KCNAB1: variants seen among roughly 807,000 people sequenced by gnomAD.
KCNAB1 encodes voltage-gated potassium channel subunit beta-1.
Under a neutral mutation model 64.6 loss-of-function variants are expected in KCNAB1, and 35 were observed. The observed-to-expected ratio is 0.54, with a 90% CI of 0.41 to 0.72. The LOEUF (loss-of-function observed/expected upper bound fraction) is 0.72, where lower values mean the gene tolerates loss of function less well. KCNAB1 is among the 30% of genes least tolerant of loss of function. The pLI is 0.00. For missense variants in KCNAB1, 401 were observed against 512.9 expected (o/e 0.78, Z 2.11); for synonymous variants, 177 against 183.8 (o/e 0.96, Z 0.30).
chr3:156,186,995 G>T (rs1025305943), intron 1 of KCNAB1, among the ~76,000 whole-genome samples: 2 of 151,972 alleles, frequency 1.3e-5, no homozygotes, highest in Non-Finnish European at 2.9e-5. Context: ...GGGACCACAG[G>T]TGTGCACCAC....
chr3:156,500,829 A>C (rs566801821), intron 8 of KCNAB1, among the ~76,000 whole-genome samples: 1 of 152,228 alleles, frequency 6.6e-6, no homozygotes, highest in African/African-American at 2.4e-5. Flanking sequence ...AAGTATCATC[A>C]TCAATGGCAG....
chr3:156,539,053 A>T (rs1035019260), downstream of KCNAB1: 13 of 152,166 alleles, frequency 8.5e-5, no homozygotes, highest in African/African-American at 3.1e-4. Context: ...TGTCCTTAAG[A>T]AAAAATTCCA....
intron 8 of KCNAB1, among the ~76,000 whole-genome samples, chr3:156,488,295 TA>T (rs63550661): frequency 0.11 from 15,439 of 140,672 alleles, 1,557 homozygotes; most frequent in African/African-American, 0.28. Context: ...ATGGGTGCTA[TA>T]AAAAAAAAAA....
At chr3:156,499,187 C>T (rs1178688020) in intron 8 of KCNAB1, among the ~76,000 whole-genome samples, 1 of 152,216 alleles carries the variant, frequency 6.6e-6, no homozygotes, top group Non-Finnish European at 1.5e-5. Context: ...CCTGCTCAAA[C>T]AAAGGCAATT....
chr3:156,408,664 C>T (rs553213251), intron 1 of KCNAB1, among the ~76,000 whole-genome samples: 3 of 152,146 alleles, frequency 2.0e-5, no homozygotes, highest in African/African-American at 7.2e-5. Flanking sequence ...CCTGTAATCC[C>T]AGCTACTCAG....
At chr3:156,399,357 G>A (rs1254718404) in intron 1 of KCNAB1, among the ~76,000 whole-genome samples, 1 of 152,206 alleles carries the variant, frequency 6.6e-6, no homozygotes, top group Non-Finnish European at 1.5e-5. Flanking sequence ...AAGAGGTGTT[G>A]GGTGGGGTAT....
chr3:156,428,534 C>CACACACACACACACACACACACACA (rs3219955), intron 2 of KCNAB1, among the ~76,000 whole-genome samples: 2 of 146,208 alleles, frequency 1.4e-5, no homozygotes, highest in Non-Finnish European at 3.0e-5. Flanking sequence ...CACACACACA[C>CACACACACACACACACACACACACA]CCTATTGGTT....
intron 1 of KCNAB1, among the ~76,000 whole-genome samples, chr3:156,178,444 G>C (rs192104972): frequency 6.6e-6 from 1 of 152,184 alleles, no homozygotes; most frequent in Non-Finnish European, 1.5e-5. Context: ...GATGTAGCAC[G>C]ACAGAGATGC....
At chr3:156,266,582 T>C (rs1469323518) in intron 1 of KCNAB1, among the ~76,000 whole-genome samples, 1 of 152,210 alleles carries the variant, frequency 6.6e-6, no homozygotes, top group Non-Finnish European at 1.5e-5. Flanking sequence ...AGGCCAACTA[T>C]AGAGAGGGTT....
At chr3:156,353,321 G>A (rs945626244) in intron 1 of KCNAB1, among the ~76,000 whole-genome samples, 1 of 151,806 alleles carries the variant, frequency 6.6e-6, no homozygotes, top group South Asian at 2.1e-4. Flanking sequence ...AATGTTTACC[G>A]AGTTCCTATG....
chr3:156,416,634 C>T (rs1282953354), intron 1 of KCNAB1, among the ~76,000 whole-genome samples: 4 of 152,174 alleles, frequency 2.6e-5, no homozygotes, highest in Non-Finnish European at 1.5e-5. Flanking sequence ...TAATACCTGT[C>T]TCACCTCCTA....
intron 1 of KCNAB1, among the ~76,000 whole-genome samples, chr3:156,378,850 G>A (rs960041300): frequency 6.6e-6 from 1 of 152,172 alleles, no homozygotes; most frequent in African/African-American, 2.4e-5. Context: ...CTCAACAGAA[G>A]CCAGGAGCAG....
chr3:156,275,640 A>T (rs1196917131), intron 1 of KCNAB1, among the ~76,000 whole-genome samples: 1 of 152,208 alleles, frequency 6.6e-6, no homozygotes, highest in Non-Finnish European at 1.5e-5. Flanking sequence ...TCATTTCAAG[A>T]ATATTCACAG....
intron 1 of KCNAB1, among the ~76,000 whole-genome samples, chr3:156,126,168 C>T (rs140024333): frequency 0.011 from 1,694 of 152,208 alleles, 33 homozygotes; most frequent in African/African-American, 0.037. Context: ...AGAGCTGCTT[C>T]TGTTCATGAG....
At position 156,226,266 on chromosome 3, in the gene KCNAB1, A is replaced by G. The variant is rs1039890755; in HGVS notation, c.275+105380A>G. 3.9e-5 allele frequency among the ~76,000 whole-genome samples: 6 copies of G among 152,232 alleles called. No homozygotes were observed. The East Asian group carries it at 9.6e-4, about 24-fold the overall frequency. On this transcript the variant is annotated intron_variant, in intron 1 of 13. Transcript: ENST00000490337. ...AGAGAACCCAGAAATTAAGCCAGAT[A>G]CAGTCAACTGATCTTGACAAAGCAA...
chr3:156,351,514 CT>C (rs1724858089), intron 1 of KCNAB1, among the ~76,000 whole-genome samples: 1 of 152,182 alleles, frequency 6.6e-6, no homozygotes, highest in Admixed American at 6.5e-5. Context: ...CCCCCAATTT[CT>C]TTTTACTTTT....
chr3:156,512,981 G>T (rs1222026371), intron 8 of KCNAB1, among the ~76,000 whole-genome samples: 3 of 152,222 alleles, frequency 2.0e-5, no homozygotes, highest in African/African-American at 7.2e-5. Flanking sequence ...GGGAGGCCGA[G>T]GTGGGAGGAT....
At chr3:156,486,084 A>G (rs948500606) in intron 8 of KCNAB1, among the ~76,000 whole-genome samples, 4 of 152,054 alleles carry the variant, frequency 2.6e-5, no homozygotes, top group African/African-American at 9.7e-5. Context: ...CTTTAACTTT[A>G]TAACTAATAA....
intron 1 of KCNAB1, among the ~76,000 whole-genome samples, chr3:156,237,799 T>C (rs1716934103): frequency 6.6e-6 from 1 of 152,204 alleles, no homozygotes; most frequent in East Asian, 1.9e-4. Flanking sequence ...CCTGATCTTC[T>C]TTTTTACCTC....
Sources: gnomAD v4.1 joint callset for allele counts (sites outside exome capture counted in the v4.1 genomes callset) on GRCh38, gnomAD v4.1.1 for gene constraint, MANE v1.5 for transcripts, NCBI Gene and HGNC (gene_info 2026-07-23, HGNC 2026-07-21) for gene names.